The following CACNA2D3 variants were observed in gnomAD, a reference collection of about 807,000 sequenced individuals.
CACNA2D3 encodes the protein voltage-dependent calcium channel subunit alpha-2/delta-3.
A neutral mutation model predicts 160.6 loss-of-function variants in CACNA2D3; 60 were observed. The observed-to-expected ratio is 0.37, with a 90% CI of 0.30 to 0.46. The LOEUF is 0.46. CACNA2D3 is among the 20% of genes least tolerant of loss of function. The pLI is 1.00. For synonymous variants in CACNA2D3, 558 were observed against 492.9 expected, an observed-to-expected ratio of 1.13 and a Z score of -1.75; for missense variants, 1,205 against 1,365.0, an observed-to-expected ratio of 0.88 and a Z score of 1.85.
At chr3:54,149,186 T>G (rs1271000308) in intron 2 of CACNA2D3, among the ~76,000 whole-genome samples, 1 of 151,242 alleles carries the variant, frequency 6.6e-6, no homozygotes, top group Non-Finnish European at 1.5e-5. Context: ...AGGAGCAAAA[T>G]CGCAATGTCC....
chr3:54,806,592 T>C (rs1703133006), intron 13 of CACNA2D3, among the ~76,000 whole-genome samples: 1 of 152,082 alleles, frequency 6.6e-6, no homozygotes, highest in Non-Finnish European at 1.5e-5. Flanking sequence ...TGCTCATGGG[T>C]AGGAAGAATC....
intron 35 of CACNA2D3, among the ~76,000 whole-genome samples, chr3:55,061,805 G>A (rs1704514434): frequency 6.6e-6 from 1 of 152,188 alleles, no homozygotes; most frequent in Non-Finnish European, 1.5e-5. Flanking sequence ...GGAAGGAATT[G>A]TACCAATCCG....
chr3:54,359,333 G>T (rs1442405856), intron 3 of CACNA2D3, among the ~76,000 whole-genome samples: 3 of 152,158 alleles, frequency 2.0e-5, no homozygotes. Context: ...CTGCTTAAAC[G>T]TTGAACTGGC....
At chr3:54,443,280 A>G (rs1264327069) in intron 4 of CACNA2D3, among the ~76,000 whole-genome samples, 1 of 133,414 alleles carries the variant, frequency 7.5e-6, no homozygotes, top group Non-Finnish European at 1.5e-5. Flanking sequence ...ACAGCCAGCC[A>G]TTTGCCTTTT....
At chr3:54,723,864 A>T (rs566338701) in intron 11 of CACNA2D3, among the ~76,000 whole-genome samples, 18 of 152,320 alleles carry the variant, frequency 1.2e-4, no homozygotes, top group Middle Eastern at 3.4e-3. Context: ...GCATCAACTA[A>T]CAGACAAAAC....
At chr3:54,955,340 GAA>G (rs36079741) in intron 27 of CACNA2D3, among the ~76,000 whole-genome samples, 1 of 152,144 alleles carries the variant, frequency 6.6e-6, no homozygotes, top group African/African-American at 2.4e-5. Flanking sequence ...AAGAACAGAT[GAA>G]AAGTCTGTCT....
intron 29 of CACNA2D3, among the ~76,000 whole-genome samples, chr3:54,974,064 A>G (rs17054615): frequency 0.029 from 4,488 of 152,298 alleles, 97 homozygotes; most frequent in Non-Finnish European, 0.047. Context: ...CCAATCAAAC[A>G]AAAGGCATCC....
rs1457609946 is a variant in CACNA2D3, at chr3:54,644,861, A to G, written c.1167+2620A>G. Among the ~76,000 whole-genome samples the G allele has an allele frequency of 3.9e-5, 6 of 152,198 alleles. No individual in the cohort carries two copies. The East Asian group carries it at 1.2e-3, about 29-fold the overall frequency. On this transcript the variant is annotated intron_variant, in intron 11 of 37. Coordinates refer to ENST00000474759, the MANE Select transcript of CACNA2D3 (RefSeq NM_018398.3). ...ACTGCCACAAGAAATAGCCTGAAGA[A>G]TAGGGTTTAGATACTCTGCAGGCTT... is the stretch of plus-strand genomic sequence containing the variant.
chr3:55,045,647 T>C (rs1341930260), intron 35 of CACNA2D3, among the ~76,000 whole-genome samples: 2 of 152,240 alleles, frequency 1.3e-5, no homozygotes, highest in Non-Finnish European at 2.9e-5. Flanking sequence ...GGAATTTCTT[T>C]AGTTCATCTA....
intron 2 of CACNA2D3, among the ~76,000 whole-genome samples, chr3:54,184,219 C>T (rs143298195): frequency 4.0e-4 from 61 of 152,282 alleles, no homozygotes; most frequent in Middle Eastern, 3.4e-3. Context: ...GAGGTTCTGT[C>T]GGAACATTTG....
At chr3:54,773,195 C>T (rs1207139638) in intron 13 of CACNA2D3, among the ~76,000 whole-genome samples, 3 of 152,206 alleles carry the variant, frequency 2.0e-5, no homozygotes, top group African/African-American at 2.4e-5. Context: ...ATAAATTGCA[C>T]ATTTGTTTCA....
intron 9 of CACNA2D3, among the ~76,000 whole-genome samples, chr3:54,610,699 C>G (rs994218745): frequency 2.0e-5 from 3 of 152,046 alleles, no homozygotes; most frequent in African/African-American, 7.3e-5. Context: ...TCTTGACTCA[C>G]TGTAACTGTA....
At position 54,288,609 on chromosome 3, in the gene CACNA2D3, GAC is replaced by G. The variant is rs1703098710; in HGVS notation, c.205-31829_205-31828del. 2.6e-5 allele frequency among the ~76,000 whole-genome samples: 4 copies of G among 152,036 alleles called. No homozygotes were observed. The South Asian group carries it at 8.3e-4, about 32-fold the overall frequency. On this transcript the variant is annotated intron_variant, in intron 2 of 37. Transcript: ENST00000474759. ...CATCCTGATACCAAAGCCGGGCAGA[GAC>G]ACAACCAAAAAAGAGAATTTTAGAC...
intron 2 of CACNA2D3, chr3:54,272,650 G>C (rs1456379366): frequency 2.6e-5 from 4 of 152,050 alleles, no homozygotes; most frequent in Admixed American, 2.6e-4. Context: ...GGCTTCCCCC[G>C]AGAACTCTCC....
chr3:55,066,737 C>T (rs192672410), intron 35 of CACNA2D3, among the ~76,000 whole-genome samples: 2 of 152,276 alleles, frequency 1.3e-5, no homozygotes, highest in African/African-American at 4.8e-5. Flanking sequence ...AATTGCTTCC[C>T]TCTCCCAACT....
intron 8 of CACNA2D3, among the ~76,000 whole-genome samples, chr3:54,580,907 G>A (rs1702665396): frequency 6.6e-6 from 1 of 152,164 alleles, no homozygotes; most frequent in African/African-American, 2.4e-5. Flanking sequence ...AGCATTGGAG[G>A]GACTGAAGGA....
chr3:54,934,196 A>G (rs1038892110), intron 27 of CACNA2D3, among the ~76,000 whole-genome samples: 1 of 152,226 alleles, frequency 6.6e-6, no homozygotes, highest in Non-Finnish European at 1.5e-5. Context: ...TTAGGACAAT[A>G]TTAAGGGAAC....
chr3:55,073,738 A>G (rs1371208739), intron 36 of CACNA2D3, 39 bp from the exon 37 acceptor site: 3 of 1,560,884 alleles, frequency 1.9e-6, no homozygotes, highest in Non-Finnish European at 2.6e-6. Context: ...CAGAGTAGAA[A>G]AAAGCAATCC....
At chr3:54,775,571 G>A (rs1239187668) in intron 13 of CACNA2D3, among the ~76,000 whole-genome samples, 2 of 152,154 alleles carry the variant, frequency 1.3e-5, no homozygotes, top group East Asian at 1.9e-4. Context: ...TGGATTCTCT[G>A]TTGTACCCTT....
Sources: gnomAD v4.1 joint callset for allele counts (sites outside exome capture counted in the v4.1 genomes callset) on GRCh38, gnomAD v4.1.1 for gene constraint, MANE v1.5 for transcripts, NCBI Gene and HGNC (gene_info 2026-07-23, HGNC 2026-07-21) for gene names.